Variants in IKZF4 observed in about 807,000 individuals in gnomAD.
The protein encoded by IKZF4 is zinc finger protein Eos.
IKZF4 carries 11 observed loss-of-function variants against 47.7 expected under a neutral mutation model. The observed-to-expected ratio is 0.23, with a 90% CI of 0.15 to 0.38. The LOEUF is 0.38. IKZF4 is among the 10% of genes least tolerant of loss of function. IKZF4 has a pLI of 1.00. For synonymous variants in IKZF4, 298 were observed against 299.4 expected (o/e 1.00, Z 0.05); for missense variants, 557 against 784.9 (o/e 0.71, Z 3.47).
At chr12:56,020,317 G>A (rs1053939355), upstream of IKZF4, among the ~76,000 whole-genome samples, 5 of 152,216 alleles carry the variant, frequency 3.3e-5, no homozygotes, top group Admixed American at 6.5e-5. Context: ...GGAAAAGGGG[G>A]AGATAAGCAG....
intron 5 of IKZF4, among the ~76,000 whole-genome samples, chr12:56,031,276 A>C (rs1043071204): frequency 1.3e-5 from 2 of 152,160 alleles, no homozygotes; most frequent in African/African-American, 2.4e-5. Flanking sequence ...AAAAAGATAA[A>C]TGTTTGAGGT....
In IKZF4 at chr12:56,027,993, C is replaced by G. The variant is rs1388036815; in HGVS notation, c.715+46C>G. On this transcript the variant is annotated intron_variant, in intron 5 of 7. Transcript: ENST00000547167. ...AGGAGGGAATGAGGCTCCAACACAC[C>G]CAGTATGTAGAGCTCAGTGACTTCT... is the stretch of plus-strand genomic sequence containing the variant. The G allele has an allele frequency of 5.3e-6, 8 of 1,506,670 alleles. No homozygotes were observed. In the East Asian group the frequency reaches 6.9e-5, roughly 13 times the overall value. 93.3% of individuals were successfully genotyped at this position (1,506,670 alleles called of 1,614,324 possible). A position where few individuals can be genotyped will look rare whatever the true frequency, so the allele number is the denominator to read the frequency against.
intron 2 of IKZF4, among the ~76,000 whole-genome samples, chr12:56,012,717 ATCT>A (rs1383429426): frequency 7.2e-5 from 11 of 152,240 alleles, no homozygotes; most frequent in Admixed American, 5.2e-4. Context: ...CTGGTGGGAA[ATCT>A]TCTGTCTAGA....
chr12:56,021,703 TG>T, intron 1 of IKZF4, 123 bp downstream of exon 1: 1 of 1,126,894 alleles, frequency 8.9e-7, no homozygotes, highest in Non-Finnish European at 1.2e-6. Flanking sequence ...TGTGTGTGTG[TG>T]TGTGTGTGTG....
chr12:56,027,633 C>A, intron 4 of IKZF4, 147 bp from the exon 5 acceptor site: 1 of 765,508 alleles, frequency 1.3e-6, no homozygotes, highest in South Asian at 1.5e-5. Flanking sequence ...CTTCATAAAT[C>A]AGGGTTTGTG....
intron 1 of IKZF4, among the ~76,000 whole-genome samples, chr12:56,022,926 A>T (rs1305053245): frequency 6.6e-6 from 1 of 151,086 alleles, no homozygotes; most frequent in African/African-American, 2.4e-5. Context: ...CAGCCTCCCG[A>T]GTAGCTGGGA....
intron 2 of IKZF4, chr12:56,024,089 G>A: frequency 3.8e-6 from 1 of 261,192 alleles, no homozygotes; most frequent in Non-Finnish European, 6.0e-6. Flanking sequence ...TTTTAAAAAA[G>A]ACATTCATAT....
chr12:56,008,237 A>C (rs1890935024), intron 1 of IKZF4, among the ~76,000 whole-genome samples: 1 of 152,204 alleles, frequency 6.6e-6, no homozygotes, highest in African/African-American at 2.4e-5. Context: ...GAAGAAACTT[A>C]GGATGGAGTG....
upstream of IKZF4, among the ~76,000 whole-genome samples, chr12:56,017,295 G>GA (rs1319404295): frequency 1.4e-5 from 2 of 144,132 alleles, no homozygotes; most frequent in Non-Finnish European, 3.0e-5. Context: ...AGAGGGTGGG[G>GA]ATAACCATTT....
Position 56,025,098 on chromosome 12 carries a change from G to T in IKZF4, c.226G>T (p.Val76Leu), listed in dbSNP as rs370907314. The T allele has an allele frequency of 3.1e-6, 5 of 1,603,096 alleles. No individual in the cohort carries two copies. The highest frequency in any genetic ancestry group is 2.3e-5 in the East Asian group (1 of 44,434). ...SLEKEFLGAPVGPSVSTPNSQ... is the reference protein window; with the variant it reads ...SLEKEFLGAPLGPSVSTPNSQ... Reference sequence around the variant, plus strand: ...GGAGAAGGAGTTCCTCGGGGCCCCAGTGGGGCCCTCGGTGAGCACCCCCAA... The same window carrying T: ...GGAGAAGGAGTTCCTCGGGGCCCCATTGGGGCCCTCGGTGAGCACCCCCAA... The change falls in exon 3 of 8, where the codon GTG becomes TTG. Residue 76 changes from valine to leucine, a missense_variant. Transcript: ENST00000547167.
chr12:56,021,906 A>T (rs1893077018), intron 1 of IKZF4: 1 of 395,574 alleles, frequency 2.5e-6, no homozygotes, highest in South Asian at 2.9e-5. Flanking sequence ...CTGGGTGGGA[A>T]GGGGTAGTGG....
At chr12:56,027,634 A>T in intron 4 of IKZF4, 146 bp from the exon 5 acceptor site, 1 of 765,488 alleles carries the variant, frequency 1.3e-6, no homozygotes, top group Non-Finnish European at 2.2e-6. Flanking sequence ...TTCATAAATC[A>T]GGGTTTGTGT....
rs1282444828 is a variant in IKZF4 at position 56,034,995 on chromosome 12, T to C, written c.1422T>C (p.Pro474=). 6.4e-7 allele frequency: 1 copy of C among 1,557,606 alleles called. No homozygotes were observed. Among genetic ancestry groups the C allele is most frequent in the Admixed American group, 1.8e-5 (1 of 54,334 alleles). ...GGGTTGCGGGGGTGGTATCCCTCCCTCAGGGTCCCCCACCCCAGCCACCTC... is the reference window on the plus strand; with the variant it reads ...GGGTTGCGGGGGTGGTATCCCTCCCCCAGGGTCCCCCACCCCAGCCACCTC... ...EDRVAGVVSL[P]QGPPPQPPPT... The change falls in exon 8 of 8, where the codon CCT becomes CCC. Residue 474 remains proline (P), a synonymous_variant. Coordinates refer to ENST00000547167, the MANE Select transcript of IKZF4 (RefSeq NM_022465.4).
Position 56,035,595 on chromosome 12 carries a change from GATTT to G in IKZF4, c.*269_*272del, listed in dbSNP as rs1420299629. 2 of 365,368 alleles carry G rather than the reference GATTT, an allele frequency of 5.5e-6. No homozygotes were observed. The highest frequency in any genetic ancestry group is 4.2e-5 in the African/African-American group (2 of 47,836). The allele number at this position is 365,368 out of a possible 1,614,324, so 22.6% of individuals were successfully genotyped here. The stretch of plus-strand genomic sequence containing the variant: ...ATACTGAGTTATTTATTAATTAGTT[GATTT>G]ATTTTTGCCTTTTTAAATTTTAACT... On this transcript the variant is annotated 3_prime_UTR_variant, in exon 8 of 8. Coordinates refer to ENST00000547167, the MANE Select transcript of IKZF4 (RefSeq NM_022465.4). This position sits in a 1 kb window ranked among gnomAD's most constrained non-coding sequence, Gnocchi z 6.1.
Position 56,012,970 on chromosome 12 carries a change from A to G in IKZF4, c.-214+1476A>G, listed in dbSNP as rs555347354. Among the ~76,000 whole-genome samples, 8 of 152,328 alleles carry G rather than the reference A, an allele frequency of 5.3e-5. 1 individual carries two copies. The highest frequency in any genetic ancestry group is 1.9e-4 in the African/African-American group (8 of 41,564). On this transcript the variant is annotated intron_variant, in intron 2 of 11. Coordinates refer to the IKZF4 transcript ENST00000262032. ...ATGAACAGCCACTGCACTCCAGCCC[A>G]GACAACATAGTGAGATCTCATCTCT...
chr12:56,026,878 G>A lies in IKZF4; in HGVS notation c.384G>A (p.Val128=). ...RLLEKDDSVI[V]EDSLSEPLGY... ...TGGAAAAGGACGACAGCGTGATTGTGGAAGATTCATTGTCTGAGCCCCTGG... is the reference window on the plus strand; with the variant it reads ...TGGAAAAGGACGACAGCGTGATTGTAGAAGATTCATTGTCTGAGCCCCTGG... Residue 128 remains valine, a synonymous_variant, in exon 4 of 8, where the codon GTG becomes GTA. Transcript: ENST00000547167. The A allele has an allele frequency of 6.2e-7, 1 of 1,613,508 alleles. No individual in the cohort carries two copies. Among genetic ancestry groups the A allele is most frequent in the Non-Finnish European group, 8.5e-7 (1 of 1,179,720 alleles).
In IKZF4 at chr12:56,021,101, G is replaced by T; in HGVS notation, c.-393G>T. On this transcript the variant is annotated 5_prime_UTR_variant, in exon 1 of 8. It adds an upstream start codon to the 5' untranslated region. Transcript: ENST00000547167. The stretch of plus-strand genomic sequence containing the variant: ...GTTCCTCTTTGTCTGCTGGGCACGA[G>T]GGGCAACAGCATCTGCCTTTCCCTC... The T allele has an allele frequency of 7.4e-7, 1 of 1,359,542 alleles. No homozygotes were observed. Among genetic ancestry groups the T allele is most frequent in the Non-Finnish European group, 9.5e-7 (1 of 1,056,544 alleles). 84.2% of individuals were successfully genotyped at this position (1,359,542 alleles called of 1,614,324 possible).
At chr12:56,024,893 G>A in intron 2 of IKZF4, 161 bp from the exon 3 acceptor site, 2 of 1,482,864 alleles carry the variant, frequency 1.3e-6, no homozygotes, top group East Asian at 2.5e-5. Flanking sequence ...ATCCAGACTG[G>A]CGGGGGCACA....
At chr12:56,030,962 T>C (rs1331622178) in intron 5 of IKZF4, among the ~76,000 whole-genome samples, 2 of 151,948 alleles carry the variant, frequency 1.3e-5, no homozygotes, top group Non-Finnish European at 2.9e-5. Flanking sequence ...TACAAAGAAA[T>C]GATAAATGTT....
Sources: gnomAD v4.1 joint callset for allele counts (sites outside exome capture counted in the v4.1 genomes callset) on GRCh38, gnomAD v4.1.1 for gene constraint, Gnocchi (gnomAD v3.1) non-coding constraint, MANE v1.5 for transcripts, NCBI Gene and HGNC (gene_info 2026-07-23, HGNC 2026-07-21) for gene names.